ZNF214: variants seen among roughly 807,000 people sequenced by gnomAD.
The protein encoded by ZNF214 is BWSCR2-associated zinc finger protein 1.
ZNF214 carries 43 observed loss-of-function variants against 53.9 expected under a neutral mutation model. The observed-to-expected ratio is 0.80, with a 90% CI of 0.63 to 1.03. The LOEUF (loss-of-function observed/expected upper bound fraction) is 1.03, where lower values mean the gene tolerates loss of function less well. ZNF214 is among the 50% of genes least tolerant of loss of function. The probability of loss-of-function intolerance (pLI) is 0.00; values close to 1 mark genes in which losing one functional copy is unlikely to be tolerated. For synonymous variants in ZNF214, 217 were observed against 229.5 expected (o/e 0.95, Z 0.49); for missense variants, 724 against 719.1 (o/e 1.01, Z -0.08).
At chr11:7,008,039 C>T (rs555684734) in intron 1 of ZNF214, among the ~76,000 whole-genome samples, 27 of 98,392 alleles carry the variant, frequency 2.7e-4, no homozygotes, top group Non-Finnish European at 5.4e-4. Flanking sequence ...AAAAATATAA[C>T]AATTCTTAAT....
chr11:7,009,910 A>G (rs536925774), intron 1 of ZNF214, among the ~76,000 whole-genome samples: 9 of 152,184 alleles, frequency 5.9e-5, no homozygotes, highest in Non-Finnish European at 1.3e-4. Flanking sequence ...TAAAAATTCA[A>G]AAAATAATAA....
In ZNF214 at chr11:7,000,016, C is replaced by G; in HGVS notation, c.1667G>C (p.Cys556Ser). 6.2e-7 allele frequency: 1 copy of G among 1,613,328 alleles called. No individual in the cohort carries two copies. Among genetic ancestry groups the G allele is most frequent in the Non-Finnish European group, 8.5e-7 (1 of 1,179,530 alleles). Residue 556 changes from cysteine (C) to serine (S), a missense_variant, in exon 3 of 3, where the codon TGT becomes TCT. Coordinates refer to ENST00000278314, the MANE Select transcript of ZNF214 (RefSeq NM_013249.4). ...RVHTGEKPYQ[C>S]AKCGKGFSHS... ...ACTGAAACCTTTACCACACTTAGCA[C>G]ATTGATAAGGCTTCTCTCCTGTATG... is the stretch of plus-strand genomic sequence containing the variant.
In ZNF214 at chr11:6,998,495, T is replaced by G. The variant is rs1263197073; in HGVS notation, c.*1367A>C. Among the ~76,000 whole-genome samples, 2 of 152,042 alleles carry G rather than the reference T, an allele frequency of 1.3e-5. No individual in the cohort carries two copies. Among genetic ancestry groups the G allele is most frequent in the African/African-American group, 4.8e-5 (2 of 41,420 alleles). ...ATCTCATTATCCTTTTCAGATACATTTAAGATCAGATCAAGTTTATCTATT... is the reference window on the plus strand; with the variant it reads ...ATCTCATTATCCTTTTCAGATACATGTAAGATCAGATCAAGTTTATCTATT... On this transcript the variant is annotated 3_prime_UTR_variant, in exon 3 of 3. Transcript: ENST00000278314.
intron 1 of ZNF214, among the ~76,000 whole-genome samples, chr11:7,016,874 T>G (rs1176723887): frequency 6.6e-6 from 1 of 152,102 alleles, no homozygotes; most frequent in Non-Finnish European, 1.5e-5. Flanking sequence ...ATATTAAATT[T>G]GGAAGTGAAG....
chr11:7,000,972 G>A lies in ZNF214; in HGVS notation c.711C>T (p.His237=). ...GGTTTTCTCCAGGTTGATTTCTCTT[G>A]TGGAAAACACACCGTGAGTTCCAAT... ...IYYWNSRCVF[H]KRNQPGENLC... The change falls in exon 3 of 3, where the codon CAC becomes CAT. Residue 237 remains histidine (H), a synonymous_variant. Coordinates refer to ENST00000278314, the MANE Select transcript of ZNF214 (RefSeq NM_013249.4). 6.2e-7 allele frequency: 1 copy of A among 1,612,930 alleles called. No individual in the cohort carries two copies. Among genetic ancestry groups the A allele is most frequent in the African/African-American group, 1.3e-5 (1 of 74,970 alleles).
chr11:7,010,842 T>C (rs1466571441), intron 1 of ZNF214, among the ~76,000 whole-genome samples: 1 of 140,892 alleles, frequency 7.1e-6, no homozygotes, highest in East Asian at 1.9e-4. Flanking sequence ...TGACATAAGA[T>C]TTTTCAATGA....
chr11:7,009,233 A>G (rs745574472), intron 1 of ZNF214, among the ~76,000 whole-genome samples: 5 of 107,938 alleles, frequency 4.6e-5, no homozygotes, highest in Non-Finnish European at 1.1e-4. Flanking sequence ...ACAGACACAT[A>G]CACCAATGGA....
intron 1 of ZNF214, among the ~76,000 whole-genome samples, chr11:7,008,175 T>C (rs1025650285): frequency 6.6e-6 from 1 of 152,170 alleles, no homozygotes; most frequent in African/African-American, 2.4e-5. Context: ...CACACACCTG[T>C]AATTCCAAGC....
chr11:7,002,621 C>T (rs549082001), intron 2 of ZNF214, 88 bp downstream of exon 2: 143 of 1,350,250 alleles, frequency 1.1e-4, no homozygotes, highest in Non-Finnish European at 1.4e-4. Flanking sequence ...TCCAACACCT[C>T]AATATAACAC....
intron 2 of ZNF214, among the ~76,000 whole-genome samples, 180 bp downstream of exon 2, chr11:7,002,529 T>C (rs1018613329): frequency 2.6e-5 from 4 of 152,006 alleles, no homozygotes; most frequent in Non-Finnish European, 5.9e-5. Context: ...CTATTAATGA[T>C]ATAACCTAGG....
At position 7,000,176 on chromosome 11, in the gene ZNF214, A is replaced by G. The variant is rs574761979; in HGVS notation, c.1507T>C (p.Cys503Arg). The G allele has an allele frequency of 5.6e-6, 9 of 1,613,034 alleles. No homozygotes were observed. In the South Asian group the frequency reaches 8.8e-5, roughly 16 times the overall value. ...TGEKPYKCEE[C>R]GKGFSQRSHL... ...GAACGCTGACTGAATCCCTTGCCACACTCTTCACATTTGTAGGGTTTCTCT... is the reference window on the plus strand; with the variant it reads ...GAACGCTGACTGAATCCCTTGCCACGCTCTTCACATTTGTAGGGTTTCTCT... Residue 503 changes from cysteine (C) to arginine (R), a missense_variant, in exon 3 of 3, where the codon TGT becomes CGT. Cys to Arg is a radical substitution (Grantham distance 180). Coordinates refer to ENST00000278314, the MANE Select transcript of ZNF214 (RefSeq NM_013249.4).
intron 1 of ZNF214, among the ~76,000 whole-genome samples, chr11:7,003,276 A>G (rs80124812): frequency 0.035 from 5,365 of 152,076 alleles, 148 homozygotes; most frequent in East Asian, 0.13. Flanking sequence ...TTTTCATTGT[A>G]TCTATTTGAT....
intron 1 of ZNF214, among the ~76,000 whole-genome samples, chr11:7,012,540 A>G (rs2133409851): frequency 6.6e-6 from 1 of 152,304 alleles, no homozygotes; most frequent in South Asian, 2.1e-4. Flanking sequence ...AACAAAGTAG[A>G]TAAATCACAA....
intron 1 of ZNF214, among the ~76,000 whole-genome samples, chr11:7,010,123 GT>G (rs1851570998): frequency 6.6e-6 from 1 of 151,988 alleles, no homozygotes; most frequent in Admixed American, 6.6e-5. Context: ...GCATGTGTAT[GT>G]TCATTTCAGC....
rs1564989106 is a variant in ZNF214, at chr11:7,000,376, T to G, written c.1307A>C (p.His436Pro). Residue 436 changes from histidine (H) to proline (P), a missense_variant, in exon 3 of 3, where the codon CAT becomes CCT. Transcript: ENST00000278314. ...RSNLQIHQRVHTGEKPYKCDD... is the reference protein window; with the variant it reads ...RSNLQIHQRVPTGEKPYKCDD... ...ACATTTATAAGGTTTCTCTCCTGTA[T>G]GCACTCTCTGATGAATTTGAAGATT... 2.5e-6 allele frequency: 4 copies of G among 1,613,466 alleles called. No homozygotes were observed. The highest frequency in any genetic ancestry group is 3.4e-6 in the Non-Finnish European group (4 of 1,179,610).
Position 7,000,928 on chromosome 11 carries a change from C to T in ZNF214, c.755G>A (p.Cys252Tyr), listed in dbSNP as rs185967590. Residue 252 changes from cysteine (C) to tyrosine (Y), a missense_variant, in exon 3 of 3, where the codon TGT becomes TAT. Cys to Tyr is a radical substitution (Grantham distance 194). Transcript: ENST00000278314. ...PGENLCQCSI[C>Y]KACFSQRSDL... Reference sequence around the variant, plus strand: ...TGATCTCTGAGAGAAGCATGCTTTACAGATGGAGCATTGACAGAGGTTTTC... The same window carrying T: ...TGATCTCTGAGAGAAGCATGCTTTATAGATGGAGCATTGACAGAGGTTTTC... 257 of 1,613,146 alleles carry T rather than the reference C, an allele frequency of 1.6e-4. 3 individuals are homozygous for T. In the South Asian group the frequency reaches 2.0e-3, roughly 12 times the overall value.
chr11:7,018,777 C>T lies in ZNF214; in HGVS notation c.-21+1296G>A, dbSNP rs180679810. ...TTGGCCTCTCAAAGTGCTGGGATTA[C>T]AGGCGTGAGCCACCGCGCCTGGCGA... On this transcript the variant is annotated intron_variant, in intron 1 of 2. Coordinates refer to ENST00000278314, the MANE Select transcript of ZNF214 (RefSeq NM_013249.4). Among the ~76,000 whole-genome samples the T allele has an allele frequency of 8.1e-3, 1,231 of 152,248 alleles. 29 individuals carry two copies. The highest frequency in any genetic ancestry group is 0.027 in the African/African-American group (1,140 of 41,538).
chr11:7,016,515 A>C (rs1357463175), intron 1 of ZNF214, among the ~76,000 whole-genome samples: 2 of 152,216 alleles, frequency 1.3e-5, no homozygotes, highest in Non-Finnish European at 2.9e-5. Flanking sequence ...CTGAGTGAAA[A>C]AGAAATGCTA....
rs1308801203 is a variant in ZNF214, at chr11:6,999,738, G to A, written c.*124C>T. 1 of 1,067,944 alleles carries A rather than the reference G, an allele frequency of 9.4e-7. No homozygotes were observed. The allele number at this position is 1,067,944 out of a possible 1,614,324, so 66.2% of individuals were successfully genotyped here. A position where few individuals can be genotyped will look rare whatever the true frequency, so the allele number is the denominator to read the frequency against. On this transcript the variant is annotated 3_prime_UTR_variant, in exon 3 of 3. Coordinates refer to ENST00000278314, the MANE Select transcript of ZNF214 (RefSeq NM_013249.4). ...AGCAAATAATTCTTAGTGGGAGATA[G>A]GGGAAACTATAAATGTTGCTTGGGA...
Sources: gnomAD v4.1 joint callset for allele counts (sites outside exome capture counted in the v4.1 genomes callset) on GRCh38, gnomAD v4.1.1 for gene constraint, MANE v1.5 for transcripts, NCBI Gene and HGNC (gene_info 2026-07-23, HGNC 2026-07-21) for gene names.